MSRA: variants seen among roughly 807,000 people sequenced by gnomAD.
MSRA encodes methionine sulfoxide reductase A.
Under a neutral mutation model 31.3 loss-of-function variants are expected in MSRA, and 54 were observed. That is an observed-to-expected ratio of 1.73 (90% CI 1.39 to 2.17). MSRA has a LOEUF of 2.17. MSRA is among the 30% of genes most tolerant of loss of function. The probability of loss-of-function intolerance (pLI) is 0.00; values close to 1 mark genes in which losing one functional copy is unlikely to be tolerated. For synonymous variants in MSRA, 169 were observed against 116.5 expected, an observed-to-expected ratio of 1.45 and a Z score of -2.90; for missense variants, 507 against 300.9, an observed-to-expected ratio of 1.69 and a Z score of -5.07.
chr8:10,200,697 C>T (rs560282758), intron 1 of MSRA, among the ~76,000 whole-genome samples: 1 of 152,276 alleles, frequency 6.6e-6, no homozygotes, highest in East Asian at 1.9e-4. Context: ...ATAGAACATG[C>T]TGCTATTGGG....
intron 1 of MSRA, among the ~76,000 whole-genome samples, chr8:10,188,191 A>G (rs1330680634): frequency 6.6e-6 from 1 of 152,236 alleles, no homozygotes; most frequent in Non-Finnish European, 1.5e-5. Flanking sequence ...AAGCCAGGAA[A>G]TGCACATTGG....
chr8:10,333,468 G>T (rs182195894), intron 5 of MSRA, among the ~76,000 whole-genome samples: 1 of 152,128 alleles, frequency 6.6e-6, no homozygotes, highest in African/African-American at 2.4e-5. Flanking sequence ...GTCTTTGGGC[G>T]GAGAAAAACC....
Position 10,391,906 on chromosome 8 carries a change from TC to T in MSRA, c.544-36240del, listed in dbSNP as rs202095753. Among the ~76,000 whole-genome samples the T allele has an allele frequency of 5.6e-3, 846 of 152,342 alleles. 31 individuals carry two copies. The highest frequency in any genetic ancestry group is 0.044 in the Admixed American group (674 of 15,304). On this transcript the variant is annotated intron_variant, in intron 5 of 5. Transcript: ENST00000317173. ...TGGTGCTGATCATGCAGTGAACATT[TC>T]CTGACCTATGGAAGTGTCAGAAACA...
intron 5 of MSRA, among the ~76,000 whole-genome samples, chr8:10,381,874 C>G (rs1192232305): frequency 3.3e-5 from 5 of 152,154 alleles, no homozygotes; most frequent in South Asian, 4.1e-4. Flanking sequence ...GTGATCTGTT[C>G]CCTGCCCCAC....
At chr8:10,278,483 T>A (rs1031381787) in intron 3 of MSRA, among the ~76,000 whole-genome samples, 1 of 152,250 alleles carries the variant, frequency 6.6e-6, no homozygotes, top group African/African-American at 2.4e-5. Context: ...GCTTTCCTTC[T>A]GTGGCTCTGC....
intron 5 of MSRA, among the ~76,000 whole-genome samples, chr8:10,381,274 T>A (rs1290575732): frequency 6.6e-6 from 1 of 152,192 alleles, no homozygotes; most frequent in Non-Finnish European, 1.5e-5. Flanking sequence ...TATTTTTCTC[T>A]CCTTTCTTTT....
intron 1 of MSRA, among the ~76,000 whole-genome samples, chr8:10,172,682 C>G (rs1372051099): frequency 2.0e-5 from 3 of 152,114 alleles, no homozygotes; most frequent in Non-Finnish European, 4.4e-5. Flanking sequence ...TTCTAAGAAT[C>G]TAGGGCCCAA....
intron 1 of MSRA, chr8:10,096,078 G>C: frequency 1.5e-6 from 2 of 1,334,690 alleles, no homozygotes; most frequent in Non-Finnish European, 2.0e-6. Flanking sequence ...TTTATTTTTA[G>C]ACATTTATAG....
intron 3 of MSRA, among the ~76,000 whole-genome samples, chr8:10,247,955 T>C (rs1035447011): frequency 6.6e-6 from 1 of 152,180 alleles, no homozygotes; most frequent in African/African-American, 2.4e-5. Context: ...TTAAAGATTT[T>C]TGACCAAGGA....
intron 2 of MSRA, among the ~76,000 whole-genome samples, chr8:10,237,560 C>G (rs1299961396): frequency 6.6e-6 from 1 of 152,100 alleles, no homozygotes; most frequent in African/African-American, 2.4e-5. Flanking sequence ...TAGTAATAGG[C>G]CAAGAGTAAC....
intron 1 of MSRA, among the ~76,000 whole-genome samples, chr8:10,166,007 C>T (rs1805090136): frequency 6.6e-6 from 1 of 152,174 alleles, no homozygotes; most frequent in African/African-American, 2.4e-5. Flanking sequence ...CGTAAAACAT[C>T]TGTGTCCAGT....
intron 1 of MSRA, among the ~76,000 whole-genome samples, chr8:10,058,408 A>G (rs1802515393): frequency 6.6e-6 from 1 of 152,242 alleles, no homozygotes; most frequent in South Asian, 2.1e-4. Flanking sequence ...CTTTTAAAAT[A>G]AACTTTAAAA....
chr8:10,282,303 C>A (rs1395519849), intron 3 of MSRA, among the ~76,000 whole-genome samples: 1 of 152,184 alleles, frequency 6.6e-6, no homozygotes, highest in African/African-American at 2.4e-5. Context: ...AATTTATCTG[C>A]AGCTTGGAAT....
intron 4 of MSRA, among the ~76,000 whole-genome samples, chr8:10,308,646 T>G (rs1308130320): frequency 6.6e-6 from 1 of 152,228 alleles, no homozygotes; most frequent in Non-Finnish European, 1.5e-5. Context: ...CTTTCCAACT[T>G]TGGCTCATAC....
chr8:10,330,089 C>G (rs1440019359), intron 5 of MSRA, among the ~76,000 whole-genome samples: 2 of 148,500 alleles, frequency 1.3e-5, no homozygotes. Flanking sequence ...CTAGCACTCT[C>G]TTAGTCACTT....
intron 1 of MSRA, among the ~76,000 whole-genome samples, chr8:10,062,836 G>A (rs372492548): frequency 3.9e-5 from 6 of 152,192 alleles, no homozygotes; most frequent in South Asian, 2.1e-4. Flanking sequence ...GGAGTGGATC[G>A]TGTTAGCTGC....
chr8:10,426,360 A>G (rs1266170294), intron 5 of MSRA, among the ~76,000 whole-genome samples: 1 of 152,228 alleles, frequency 6.6e-6, no homozygotes, highest in Admixed American at 6.5e-5. Flanking sequence ...CGTGAAGGTC[A>G]GGGAAAAGCA....
chr8:10,181,099 A>G (rs1026730642), intron 1 of MSRA, among the ~76,000 whole-genome samples: 1 of 152,244 alleles, frequency 6.6e-6, no homozygotes, highest in Non-Finnish European at 1.5e-5. Context: ...AAATTCGTCT[A>G]CAGCTCCCAG....
chr8:10,369,392 A>G (rs1415495243), intron 5 of MSRA, among the ~76,000 whole-genome samples: 1 of 152,350 alleles, frequency 6.6e-6, no homozygotes, highest in East Asian at 1.9e-4. Flanking sequence ...AATTGCAGAC[A>G]AAGTACCCAA....
Sources: gnomAD v4.1 joint callset for allele counts (sites outside exome capture counted in the v4.1 genomes callset) on GRCh38, gnomAD v4.1.1 for gene constraint, MANE v1.5 for transcripts, NCBI Gene and HGNC (gene_info 2026-07-23, HGNC 2026-07-21) for gene names.